The following TEKT3 variants were observed in gnomAD, a reference collection of about 807,000 sequenced individuals.
The protein encoded by TEKT3 is tektin 3, also known as tektin-3.
In TEKT3, 49 loss-of-function variants were observed where a neutral mutation model predicts 49.8. That is an observed-to-expected ratio of 0.98 (90% CI 0.78 to 1.25). TEKT3 has a LOEUF of 1.25. TEKT3 is among the 50% of genes most tolerant of loss of function. The pLI is 0.00. For missense variants in TEKT3, 595 were observed against 629.5 expected (o/e 0.95, Z 0.59); for synonymous variants, 225 against 237.2 (o/e 0.95, Z 0.47).
Position 15,304,340 on chromosome 17 carries a change from A to G in TEKT3, c.1257-188T>C, listed in dbSNP as rs1302844110. On this transcript the variant is annotated intron_variant, in intron 8 of 8. Coordinates refer to ENST00000395930, the MANE Select transcript of TEKT3 (RefSeq NM_031898.3). The surrounding 1 kb of genome is among the most constrained non-coding windows in gnomAD (Gnocchi z 4.7). ...TAAAGAGAATGGTGACAATGAACCA[A>G]TGGGAATGTAGATGTCCCAGGAGAT... Among the ~76,000 whole-genome samples the G allele has an allele frequency of 6.6e-6, 1 of 152,218 alleles. No individual in the cohort carries two copies. The highest frequency in any genetic ancestry group is 6.5e-5 in the Admixed American group (1 of 15,286).
At chr17:15,342,379 C>G (rs957937349), upstream of TEKT3, among the ~76,000 whole-genome samples, 5 of 152,168 alleles carry the variant, frequency 3.3e-5, no homozygotes, top group Non-Finnish European at 7.4e-5. Flanking sequence ...GTGTGAGCAG[C>G]AAGAGAATTC....
chr17:15,338,728 G>T (rs1034279602), intron 2 of TEKT3, among the ~76,000 whole-genome samples: 1 of 144,318 alleles, frequency 6.9e-6, no homozygotes, highest in African/African-American at 2.6e-5. Flanking sequence ...GTGTTAGCTA[G>T]GATGGTCTCG....
At chr17:15,327,216 A>G (rs1490664423) in intron 4 of TEKT3, among the ~76,000 whole-genome samples, 5 of 152,076 alleles carry the variant, frequency 3.3e-5, no homozygotes, top group African/African-American at 1.2e-4. Context: ...ATTAAAAATC[A>G]TGTCTTAAAA....
chr17:15,318,960 T>C, intron 5 of TEKT3, 117 bp downstream of exon 5: 1 of 706,276 alleles, frequency 1.4e-6, no homozygotes, highest in South Asian at 2.6e-5. Context: ...TGAATAAAAA[T>C]ATGTGTATAT....
At chr17:15,328,657 CAAGA>C (rs941609679) in intron 3 of TEKT3, among the ~76,000 whole-genome samples, 5 of 152,058 alleles carry the variant, frequency 3.3e-5, no homozygotes, top group African/African-American at 1.2e-4. Context: ...TTCGTCTTAA[CAAGA>C]TAGAGGTTAT....
intron 7 of TEKT3, chr17:15,311,425 C>T (rs757776877): frequency 6.6e-6 from 1 of 152,144 alleles, no homozygotes; most frequent in Non-Finnish European, 1.5e-5. Context: ...GGATGACATG[C>T]AAATTCATGA....
At chr17:15,329,340 CAA>C (rs1201124046) in intron 3 of TEKT3, among the ~76,000 whole-genome samples, 1 of 152,128 alleles carries the variant, frequency 6.6e-6, no homozygotes, top group African/African-American at 2.4e-5. Flanking sequence ...TTCAAACACA[CAA>C]GAACATCTGG....
intron 4 of TEKT3, among the ~76,000 whole-genome samples, chr17:15,321,508 G>A (rs943827795): frequency 2.6e-5 from 4 of 152,260 alleles, no homozygotes; most frequent in Admixed American, 2.6e-4. Flanking sequence ...GAAGGACAAA[G>A]CATTCCCTCA....
intron 4 of TEKT3, among the ~76,000 whole-genome samples, chr17:15,323,813 A>T (rs1437481963): frequency 6.6e-6 from 1 of 152,182 alleles, no homozygotes; most frequent in African/African-American, 2.4e-5. Flanking sequence ...TTGCACATTC[A>T]GTTTTTTGAG....
intron 5 of TEKT3, among the ~76,000 whole-genome samples, chr17:15,318,510 G>A (rs1195549784): frequency 6.6e-6 from 1 of 152,084 alleles, no homozygotes; most frequent in Non-Finnish European, 1.5e-5. Context: ...AAAATTTACA[G>A]CAAGTACTCC....
chr17:15,313,698 G>A (rs753294829), intron 6 of TEKT3, among the ~76,000 whole-genome samples: 14 of 151,764 alleles, frequency 9.2e-5, no homozygotes, highest in East Asian at 1.9e-4. Context: ...TAGTAGAGAC[G>A]GGGTTTCACC....
At chr17:15,306,314 T>A (rs1328754180) in intron 8 of TEKT3, among the ~76,000 whole-genome samples, 1 of 152,120 alleles carries the variant, frequency 6.6e-6, no homozygotes, top group Non-Finnish European at 1.5e-5. Flanking sequence ...TAGTTTATGA[T>A]CTTTATTTTT....
At chr17:15,315,731 T>C (rs1372582761) in intron 5 of TEKT3, among the ~76,000 whole-genome samples, 1 of 152,112 alleles carries the variant, frequency 6.6e-6, no homozygotes, top group African/African-American at 2.4e-5. Flanking sequence ...ACTGAACATC[T>C]ACATGGGAGA....
chr17:15,327,144 A>C (rs1223561004), intron 4 of TEKT3, among the ~76,000 whole-genome samples: 2 of 150,002 alleles, frequency 1.3e-5, no homozygotes, highest in African/African-American at 5.0e-5. Context: ...ACTATATAAG[A>C]GATGATTGAT....
upstream of TEKT3, among the ~76,000 whole-genome samples, chr17:15,342,837 G>T (rs991064262): frequency 6.6e-6 from 1 of 152,136 alleles, no homozygotes; most frequent in African/African-American, 2.4e-5. Context: ...TCCCATACCC[G>T]ACACCAGGGC....
intron 2 of TEKT3, among the ~76,000 whole-genome samples, chr17:15,332,275 A>G (rs550372163): frequency 1.3e-5 from 2 of 152,322 alleles, no homozygotes; most frequent in South Asian, 4.1e-4. Flanking sequence ...ATATCTAAAA[A>G]TCTAGACAAG....
intron 2 of TEKT3, chr17:15,338,561 T>C (rs926777259): frequency 1.0e-4 from 15 of 148,138 alleles, no homozygotes; most frequent in African/African-American, 3.4e-4. Context: ...TGGAGTGCAG[T>C]GGCGCCAAGA....
At chr17:15,337,071 A>AT (rs1912008309) in intron 2 of TEKT3, among the ~76,000 whole-genome samples, 1 of 152,036 alleles carries the variant, frequency 6.6e-6, no homozygotes, top group South Asian at 2.1e-4. Flanking sequence ...CAGAAAAAAA[A>AT]TAATAAAAAT....
At chr17:15,323,194 A>T (rs933509821) in intron 4 of TEKT3, among the ~76,000 whole-genome samples, 2 of 152,240 alleles carry the variant, frequency 1.3e-5, no homozygotes, top group African/African-American at 4.8e-5. Context: ...TCTCTCCAGC[A>T]GCAGGTCTGA....
Sources: gnomAD v4.1 joint callset for allele counts (sites outside exome capture counted in the v4.1 genomes callset) on GRCh38, gnomAD v4.1.1 for gene constraint, Gnocchi (gnomAD v3.1) non-coding constraint, MANE v1.5 for transcripts, NCBI Gene and HGNC (gene_info 2026-07-23, HGNC 2026-07-21) for gene names.